MARS1: variants seen among roughly 807,000 people sequenced by gnomAD.
MARS1 encodes methionyl-tRNA synthetase 1.
In MARS1, 80 loss-of-function variants were observed where a neutral mutation model predicts 119.5. The observed-to-expected ratio is 0.67, with a 90% CI of 0.56 to 0.81. MARS1 has a LOEUF of 0.81. Among genes scored for constraint, MARS1 ranks in the 30% least tolerant of loss-of-function variants. MARS1 has a pLI of 0.00. For synonymous variants in MARS1, 418 were observed against 433.4 expected (o/e 0.96, Z 0.44); for missense variants, 945 against 1,116.5 (o/e 0.85, Z 2.19).
chr12:57,488,722 G>C, intron 1 of MARS1: 1 of 1,420,942 alleles, frequency 7.0e-7, no homozygotes, highest in Non-Finnish European at 9.7e-7. Flanking sequence ...TAATTATGAA[G>C]ATATCCCAGT....
At chr12:57,504,994 G>A (rs1162544411) in intron 11 of MARS1, among the ~76,000 whole-genome samples, 1 of 150,370 alleles carries the variant, frequency 6.7e-6, no homozygotes, top group African/African-American at 2.5e-5. Context: ...GTGAGCCACC[G>A]CACTGGGCCA....
At chr12:57,492,999 C>T (rs1763707353) in intron 7 of MARS1, among the ~76,000 whole-genome samples, 1 of 151,990 alleles carries the variant, frequency 6.6e-6, no homozygotes, top group African/African-American at 2.4e-5. Flanking sequence ...GGAATGCCAG[C>T]ATCTTACCTG....
intron 7 of MARS1, among the ~76,000 whole-genome samples, chr12:57,493,835 AT>A (rs1267037276): frequency 1.5e-3 from 1 of 684 alleles, no homozygotes; most frequent in African/African-American, 1.9e-3. Context: ...TATATTATAT[AT>A]TATAATATAT....
intron 2 of MARS1, 21 bp from the exon 3 acceptor site, chr12:57,489,246 T>C (rs1875731766): frequency 6.2e-7 from 1 of 1,613,006 alleles, no homozygotes; most frequent in Non-Finnish European, 8.5e-7. Context: ...GTCCATCATC[T>C]GTTGCTCTCT....
chr12:57,510,387 G>A (rs1284465), intron 11 of MARS1, among the ~76,000 whole-genome samples: 24,576 of 151,888 alleles, frequency 0.16, 2,117 homozygotes, highest in East Asian at 0.27. Context: ...CAGGAGAATC[G>A]CTTGAACCTG....
At chr12:57,506,519 A>G (rs1192936979) in intron 11 of MARS1, among the ~76,000 whole-genome samples, 3 of 152,158 alleles carry the variant, frequency 2.0e-5, no homozygotes, top group Non-Finnish European at 4.4e-5. Flanking sequence ...TCTTGGTTGG[A>G]ATACTACATA....
chr12:57,493,516 ATATAATATAT>A (rs1194507057), intron 7 of MARS1, among the ~76,000 whole-genome samples: 2 of 5,402 alleles, frequency 3.7e-4, no homozygotes, highest in African/African-American at 8.9e-4. Flanking sequence ...AATATATAAT[ATATAATATAT>A]TATAATATAT....
intron 19 of MARS1, 32 bp downstream of exon 19, chr12:57,516,023 A>G (rs762700945): frequency 1.3e-6 from 2 of 1,599,056 alleles, no homozygotes; most frequent in African/African-American, 1.3e-5. Flanking sequence ...CCCTCGCTCC[A>G]CAACAGCCAC....
intron 11 of MARS1, among the ~76,000 whole-genome samples, chr12:57,510,065 G>A (rs1877431884): frequency 6.6e-6 from 1 of 152,158 alleles, no homozygotes; most frequent in African/African-American, 2.4e-5. Flanking sequence ...AGGCTGGAGT[G>A]CAGTGGCACA....
At position 57,498,526 on chromosome 12, in the gene MARS1, A is replaced by G. The variant is rs1417773142; in HGVS notation, c.994A>G (p.Ile332Val). The change falls in exon 9 of 21, where the codon ATC becomes GTC. Residue 332 changes from isoleucine to valine, a missense_variant. Transcript: ENST00000262027. ...ALEEGLTPQE[I>V]CDKYHIIHAD... ...GGAGGAGGGACTAACCCCCCAGGAG[A>G]TCTGCGACAAGTACCACATCATCCA... 1 of 1,614,224 alleles carries G rather than the reference A, an allele frequency of 6.2e-7. No individual in the cohort carries two copies. The highest frequency in any genetic ancestry group is 1.7e-5 in the Admixed American group (1 of 60,028).
chr12:57,506,200 A>G (rs1174387467), intron 11 of MARS1, among the ~76,000 whole-genome samples: 3 of 152,188 alleles, frequency 2.0e-5, no homozygotes, highest in Non-Finnish European at 2.9e-5. Flanking sequence ...TTGAGGCTGC[A>G]GTGAGCCATG....
chr12:57,500,060 A>C, intron 9 of MARS1: 1 of 456,312 alleles, frequency 2.2e-6, no homozygotes, highest in Non-Finnish European at 4.1e-6. Flanking sequence ...TGAAAAATAC[A>C]AAACAGATAA....
rs762251711 is a variant in MARS1 at position 57,515,135 on chromosome 12, TCTC to T, written c.2205-11_2205-9del. 6.2e-6 allele frequency: 10 copies of T among 1,614,160 alleles called. No individual in the cohort carries two copies. Among genetic ancestry groups the T allele is most frequent in the Non-Finnish European group, 8.5e-6 (10 of 1,180,008 alleles). On this transcript the variant is annotated splice_polypyrimidine_tract_variant and intron_variant, in intron 17 of 20. Transcript: ENST00000262027. ...ATCCTCCTGGAGGTCTTGACTAATG[TCTC>T]CTCTTCCTCAGGCAACGGGCAGGAA...
rs1877847135 is a variant in MARS1, at chr12:57,516,540, G to A, written c.2662G>A (p.Gly888Arg). ...AAAGAAACAGTTGGCTGTAGCTGAG[G>A]GGAAACCCCCTGAAGCCCCTAAAGG... Reference protein sequence around the residue: ...DLKKQLAVAEGKPPEAPKGKK... With the variant: ...DLKKQLAVAERKPPEAPKGKK... Residue 888 changes from glycine to arginine, a missense_variant, in exon 21 of 21, where the codon GGG becomes AGG. Physicochemically the swap from Gly to Arg is moderately radical, Grantham distance 125 (BLOSUM62 -2). Transcript: ENST00000262027. 6.2e-7 allele frequency: 1 copy of A among 1,607,804 alleles called. No homozygotes were observed. The highest frequency in any genetic ancestry group is 1.7e-5 in the Admixed American group (1 of 58,164).
chr12:57,504,385 T>C, intron 11 of MARS1, 86 bp downstream of exon 11: 1 of 1,037,172 alleles, frequency 9.6e-7, no homozygotes, highest in Non-Finnish European at 1.5e-6. Context: ...AGCAGATTAC[T>C]CTTAAAAGTT....
At position 57,490,561 on chromosome 12, in the gene MARS1, T is replaced by G. The variant is rs1173416081; in HGVS notation, c.687T>G (p.Ser229=). 1.2e-6 allele frequency: 2 copies of G among 1,614,030 alleles called. No homozygotes were observed. The highest frequency in any genetic ancestry group is 1.7e-5 in the Admixed American group (1 of 59,994). Residue 229 remains serine (S), a synonymous_variant, in exon 7 of 21, where the codon TCT becomes TCG. Transcript: ENST00000262027. ...EPEEEELATL[S]EEEIAMAVTA... ...AGGAGGAGGAGCTGGCTACCCTATC[T>G]GAGGAGGAGATTGCTATGGCTGTTA...
Position 57,516,257 on chromosome 12 carries a change from C to G in MARS1, c.2476C>G (p.Pro826Ala). Residue 826 changes from proline (P) to alanine (A), a missense_variant, in exon 20 of 21, where the codon CCG becomes GCG. Physicochemically the swap from Pro to Ala is conservative, Grantham distance 27 (BLOSUM62 -1). Coordinates refer to ENST00000262027, the MANE Select transcript of MARS1 (RefSeq NM_004990.4). Reference protein sequence around the residue: ...RFGGGQAKTSPKPAVVETVTT... With the variant: ...RFGGGQAKTSAKPAVVETVTT... ...TGTTGTTCTCCAGGCAAAAACGTCC[C>G]CGAAGCCAGCAGTTGTAGAGACTGT... 1 of 1,614,164 alleles carries G rather than the reference C, an allele frequency of 6.2e-7. No homozygotes were observed.
chr12:57,505,931 T>C (rs1459337232), intron 11 of MARS1, among the ~76,000 whole-genome samples: 1 of 152,062 alleles, frequency 6.6e-6, no homozygotes, highest in Admixed American at 6.6e-5. Context: ...CTGAGCAACA[T>C]GGCAAGACCC....
Position 57,488,148 on chromosome 12 carries a change from G to T in MARS1, c.58G>T (p.Gly20Trp). 6.2e-7 allele frequency: 1 copy of T among 1,614,168 alleles called. No individual in the cohort carries two copies. The highest frequency in any genetic ancestry group is 8.5e-7 in the Non-Finnish European group (1 of 1,180,040). The part of the protein sequence containing the change: ...PGCLPVLAAA[G>W]RARGRAEVLI... The stretch of plus-strand genomic sequence containing the variant: ...TTGCTTGCCGGTGCTGGCCGCCGCC[G>T]GGAGAGCCCGGGGCAGAGCAGAGGT... The change falls in exon 1 of 21, where the codon GGG becomes TGG. Residue 20 changes from glycine (G) to tryptophan (W), a missense_variant. By Grantham distance (184) the Gly-to-Trp change is radical (BLOSUM62 -2). Coordinates refer to ENST00000262027, the MANE Select transcript of MARS1 (RefSeq NM_004990.4).
Sources: allele counts gnomAD v4.1 joint callset (sites outside exome capture counted in the v4.1 genomes callset), GRCh38; gene constraint gnomAD v4.1.1; transcripts MANE v1.5; gene names NCBI Gene and HGNC (gene_info 2026-07-23, HGNC 2026-07-21).